Variants in EPHB2 observed in about 807,000 individuals in gnomAD.
EPHB2 encodes ephrin type-B receptor 2.
Under a neutral mutation model 96.4 loss-of-function variants are expected in EPHB2, and 18 were observed. The observed-to-expected ratio is 0.19, with a 90% CI of 0.13 to 0.28. The LOEUF is 0.28. Among genes scored for constraint, EPHB2 ranks in the 10% least tolerant of loss-of-function variants. The probability of loss-of-function intolerance (pLI) is 1.00; values close to 1 mark genes in which losing one functional copy is unlikely to be tolerated. For synonymous variants in EPHB2, 506 were observed against 534.1 expected (o/e 0.95, Z 0.72); for missense variants, 989 against 1,355.4 (o/e 0.73, Z 4.25).
At chr1:22,896,702 C>T (rs1639577325) in intron 9 of EPHB2, among the ~76,000 whole-genome samples, 1 of 152,180 alleles carries the variant, frequency 6.6e-6, no homozygotes, top group South Asian at 2.1e-4. Context: ...AGCTCTTACT[C>T]ATCCCTCAGG....
chr1:22,897,443 G>A (rs1349824567), intron 9 of EPHB2, among the ~76,000 whole-genome samples: 3 of 152,058 alleles, frequency 2.0e-5, no homozygotes, highest in African/African-American at 4.8e-5. Flanking sequence ...CACAACTGTC[G>A]TGGGCCTACC....
chr1:22,752,371 C>T (rs1644077021), intron 1 of EPHB2, among the ~76,000 whole-genome samples: 1 of 152,134 alleles, frequency 6.6e-6, no homozygotes. Context: ...GTGGTGTGCA[C>T]CTGTTATCCC....
intron 3 of EPHB2, among the ~76,000 whole-genome samples, chr1:22,842,249 T>C (rs1487888155): frequency 6.6e-6 from 1 of 152,092 alleles, no homozygotes; most frequent in Non-Finnish European, 1.5e-5. Context: ...AGCTCACTGA[T>C]TGCGAGTCCT....
chr1:22,763,795 G>C (rs74905727), intron 1 of EPHB2, among the ~76,000 whole-genome samples: 4 of 152,096 alleles, frequency 2.6e-5, no homozygotes, highest in African/African-American at 7.2e-5. Flanking sequence ...AATGGCCAGC[G>C]GGGGGTGAAG....
chr1:22,905,590 C>A (rs1232766829), intron 9 of EPHB2, among the ~76,000 whole-genome samples: 4 of 152,212 alleles, frequency 2.6e-5, no homozygotes, highest in Admixed American at 6.5e-5. Flanking sequence ...TCGCTCCCTT[C>A]CTTTTTGCCC....
chr1:22,716,575 G>A (rs1643301342), intron 1 of EPHB2, among the ~76,000 whole-genome samples: 1 of 152,176 alleles, frequency 6.6e-6, no homozygotes, highest in Admixed American at 6.5e-5. Context: ...CTGACCTCAA[G>A]TGACCCACCC....
intron 4 of EPHB2, among the ~76,000 whole-genome samples, 190 bp from the exon 5 acceptor site, chr1:22,864,687 A>G (rs1202278974): frequency 1.3e-5 from 2 of 152,210 alleles, no homozygotes; most frequent in Non-Finnish European, 2.9e-5. Context: ...CTGGGAGGAG[A>G]GAAAGGTTTG....
intron 3 of EPHB2, among the ~76,000 whole-genome samples, chr1:22,797,645 C>T (rs1233298301): frequency 6.6e-6 from 1 of 152,170 alleles, no homozygotes; most frequent in Non-Finnish European, 1.5e-5. Context: ...CTCCACCCTG[C>T]TCCCACCCTG....
At chr1:22,806,283 T>G (rs944211845) in intron 3 of EPHB2, among the ~76,000 whole-genome samples, 1 of 152,234 alleles carries the variant, frequency 6.6e-6, no homozygotes, top group Non-Finnish European at 1.5e-5. Flanking sequence ...TGCCCAAGTT[T>G]ATACAGCTAA....
At chr1:22,882,751 A>T in intron 6 of EPHB2, 1 of 424,618 alleles carries the variant, frequency 2.4e-6, no homozygotes, top group South Asian at 2.1e-5. Flanking sequence ...CAACAGTCAC[A>T]TCCCTTTCCC....
Position 22,741,697 on chromosome 1 carries a change from C to CAAA in EPHB2, c.61+30658_61+30660dup, listed in dbSNP as rs1219464678. Among the ~76,000 whole-genome samples, 242 of 57,412 alleles carry CAAA rather than the reference C, an allele frequency of 4.2e-3. 1 individual carries two copies. The Middle Eastern group carries it at 0.12, about 27-fold the overall frequency. The allele number at this position is 57,412 out of a possible 152,430, so 37.7% of individuals were successfully genotyped here. A position where few individuals can be genotyped will look rare whatever the true frequency, so the allele number is the denominator to read the frequency against. On this transcript the variant is annotated intron_variant, in intron 1 of 15. Coordinates refer to ENST00000374630, the MANE Select transcript of EPHB2 (RefSeq NM_017449.5). ...TTCCCAGCAAAAAAAAACAAAAAAA[C>CAAA]AAAAAACCTCAGTTTCTCACGTTGG...
At chr1:22,871,733 G>A (rs980866018) in intron 5 of EPHB2, among the ~76,000 whole-genome samples, 13 of 152,162 alleles carry the variant, frequency 8.5e-5, no homozygotes, top group African/African-American at 2.4e-4. Flanking sequence ...GAAGCCTAGC[G>A]TGGGCCGGGT....
intron 3 of EPHB2, among the ~76,000 whole-genome samples, chr1:22,815,283 A>G (rs1481926432): frequency 6.6e-6 from 1 of 152,216 alleles, no homozygotes; most frequent in East Asian, 1.9e-4. Context: ...TGGGGGGTAC[A>G]GGAGGCTGGG....
At chr1:22,810,276 C>A (rs1364951934) in intron 3 of EPHB2, among the ~76,000 whole-genome samples, 1 of 152,162 alleles carries the variant, frequency 6.6e-6, no homozygotes. Context: ...CAACACCATG[C>A]AGCAGGGGCC....
At chr1:22,841,203 C>G (rs557780013) in intron 3 of EPHB2, among the ~76,000 whole-genome samples, 1 of 152,358 alleles carries the variant, frequency 6.6e-6, no homozygotes, top group East Asian at 1.9e-4. Flanking sequence ...CGAATGGCAG[C>G]AGGTTAGTGC....
intron 3 of EPHB2, among the ~76,000 whole-genome samples, chr1:22,793,106 A>AAATGGAAG (rs1450299984): frequency 3.3e-5 from 5 of 152,168 alleles, no homozygotes; most frequent in Non-Finnish European, 7.4e-5. Context: ...TGAGTCAGCT[A>AAATGGAAG]AATGGAAGGT....
Position 22,804,908 on chromosome 1 carries a change from C to T in EPHB2, c.811+19832C>T, listed in dbSNP as rs1039466956. Among the ~76,000 whole-genome samples the T allele has an allele frequency of 5.9e-5, 9 of 152,176 alleles. No individual in the cohort carries two copies. In the East Asian group the frequency reaches 1.2e-3, roughly 20 times the overall value. On this transcript the variant is annotated intron_variant, in intron 3 of 15. Transcript: ENST00000374630. ...TCTCTCTCCCCGTCTCTCTAGCTCC[C>T]TCCCCATTTCCTTCTCTAAGGGGAC...
In EPHB2 at chr1:22,858,335, G is replaced by A. The variant is rs191817885; in HGVS notation, c.812-4702G>A. Among the ~76,000 whole-genome samples the A allele has an allele frequency of 7.9e-4, 121 of 152,288 alleles. No individual in the cohort carries two copies. The highest frequency in any genetic ancestry group is 8.1e-4 in the Non-Finnish European group (55 of 68,016). On this transcript the variant is annotated intron_variant, in intron 3 of 15. Transcript: ENST00000374630. The surrounding 1 kb of genome is among the most constrained non-coding windows in gnomAD (Gnocchi z 7.7). ...AGTGCAGTGGGGATAAATGGTGCAC[G>A]AGGGAGTTTAGACAAGATGCCGCAG...
At chr1:22,893,194 C>A (rs568553899) in intron 7 of EPHB2, 148 bp downstream of exon 7, 215 of 1,243,026 alleles carry the variant, frequency 1.7e-4, no homozygotes, top group Non-Finnish European at 2.2e-4. Flanking sequence ...TAATTTCGAA[C>A]CTTTGTGCAC....
Sources: allele counts gnomAD v4.1 joint callset (sites outside exome capture counted in the v4.1 genomes callset), GRCh38; gene constraint gnomAD v4.1.1; non-coding constraint Gnocchi (gnomAD v3.1); transcripts MANE v1.5; gene names NCBI Gene and HGNC (gene_info 2026-07-23, HGNC 2026-07-21).